PCSK5: variants seen among roughly 807,000 people sequenced by gnomAD.
The protein encoded by PCSK5 is prohormone convertase 5.
In PCSK5, 129 loss-of-function variants were observed where a neutral mutation model predicts 233.2. That is an observed-to-expected ratio of 0.55 (90% confidence interval 0.48 to 0.64). The LOEUF (loss-of-function observed/expected upper bound fraction) is 0.64. Among genes scored for constraint, PCSK5 ranks in the 30% least tolerant of loss-of-function variants. The pLI, the probability that PCSK5 is intolerant of heterozygous loss-of-function variation, is 0.00. For synonymous variants in PCSK5, 825 were observed against 879.2 expected (o/e 0.94, Z 1.09); for missense variants, 2,076 against 2,430.1 (o/e 0.85, Z 3.06).
intron 10 of PCSK5, among the ~76,000 whole-genome samples, chr9:76,145,446 G>A (rs542282099): frequency 2.0e-5 from 3 of 152,150 alleles, no homozygotes; most frequent in South Asian, 2.1e-4. Context: ...CATGATTATC[G>A]TCAACCTGTC....
intron 35 of PCSK5, among the ~76,000 whole-genome samples, chr9:76,347,841 T>C (rs1419818108): frequency 6.6e-6 from 1 of 151,784 alleles, no homozygotes; most frequent in Non-Finnish European, 1.5e-5. Context: ...TATGGACTGT[T>C]CTCCCTCTTT....
At chr9:76,210,128 T>C (rs549800170) in intron 20 of PCSK5, among the ~76,000 whole-genome samples, 1 of 152,198 alleles carries the variant, frequency 6.6e-6, no homozygotes, top group Admixed American at 6.5e-5. Flanking sequence ...TCCAAGAGTT[T>C]TTTTAGGGGA....
intron 20 of PCSK5, among the ~76,000 whole-genome samples, chr9:76,217,921 G>A (rs115628059): frequency 0.012 from 1,877 of 152,088 alleles, 48 homozygotes; most frequent in African/African-American, 0.043. Flanking sequence ...CCATACAAAC[G>A]CCGCTGCCCT....
At chr9:75,981,524 C>A (rs933550482) in intron 2 of PCSK5, among the ~76,000 whole-genome samples, 1 of 152,112 alleles carries the variant, frequency 6.6e-6, no homozygotes, top group Non-Finnish European at 1.5e-5. Flanking sequence ...TCACTAACTG[C>A]TTTTTAAAGA....
rs1354313344 is a variant in PCSK5 at position 75,891,002 on chromosome 9, C to T, written c.-180C>T. The T allele has an allele frequency of 4.1e-6, 2 of 485,200 alleles. No homozygotes were observed. The highest frequency in any genetic ancestry group is 5.3e-4 in the Middle Eastern group (1 of 1,902). 30.1% of individuals were successfully genotyped at this position (485,200 alleles called of 1,614,324 possible). A position where few individuals can be genotyped will look rare whatever the true frequency, so the allele number is the denominator to read the frequency against. On this transcript the variant is annotated 5_prime_UTR_variant, in exon 1 of 38. Coordinates refer to ENST00000674117, the MANE Select transcript of PCSK5 (RefSeq NM_001372043.1). ...GCCCCAGGGATGGTCTAGGAGCCGG[C>T]GTAAGGCTCGCTGCTCTGCTCCCTG...
At chr9:76,224,941 T>A (rs1036138506) in intron 20 of PCSK5, among the ~76,000 whole-genome samples, 1 of 152,226 alleles carries the variant, frequency 6.6e-6, no homozygotes, top group African/African-American at 2.4e-5. Flanking sequence ...CAGAACCTTC[T>A]AAGTAGCATT....
intron 10 of PCSK5, among the ~76,000 whole-genome samples, chr9:76,145,349 T>C (rs1823401909): frequency 6.6e-6 from 1 of 152,134 alleles, no homozygotes; most frequent in Admixed American, 6.6e-5. Flanking sequence ...AGAAGTTTCA[T>C]ATTTGGGGTG....
chr9:76,241,834 A>G (rs1826440274), intron 24 of PCSK5, among the ~76,000 whole-genome samples: 1 of 152,184 alleles, frequency 6.6e-6, no homozygotes, highest in Non-Finnish European at 1.5e-5. Flanking sequence ...ACTTCCATGA[A>G]GCCCTGGGAT....
chr9:75,896,009 C>A (rs1378003009), intron 1 of PCSK5, among the ~76,000 whole-genome samples: 1 of 152,048 alleles, frequency 6.6e-6, no homozygotes, highest in East Asian at 1.9e-4. Context: ...CTAATAAATT[C>A]TTAGGCATTT....
At chr9:76,353,982 C>A in intron 36 of PCSK5, 51 bp from the exon 37 acceptor site, 1 of 1,339,606 alleles carries the variant, frequency 7.5e-7, no homozygotes, top group Non-Finnish European at 1.0e-6. Context: ...AACTCCAGTG[C>A]CTTGTTAATC....
chr9:75,913,154 T>A (rs1278611918), intron 1 of PCSK5, among the ~76,000 whole-genome samples: 1 of 72,780 alleles, frequency 1.4e-5, no homozygotes, highest in Non-Finnish European at 3.0e-5. Context: ...CTGGGCACAT[T>A]CTTCCTCAGC....
At chr9:76,015,776 C>A (rs995187327) in intron 3 of PCSK5, among the ~76,000 whole-genome samples, 3 of 152,130 alleles carry the variant, frequency 2.0e-5, no homozygotes, top group South Asian at 2.1e-4. Flanking sequence ...TTTCTCCTGC[C>A]CATCTGGTTT....
chr9:76,022,610 G>A (rs937952930), intron 3 of PCSK5, among the ~76,000 whole-genome samples: 4 of 152,232 alleles, frequency 2.6e-5, no homozygotes, highest in South Asian at 2.1e-4. Context: ...TCAAAGAGTC[G>A]GACTTTAAAG....
At chr9:76,175,918 G>T (rs1823592952) in intron 14 of PCSK5, among the ~76,000 whole-genome samples, 1 of 151,738 alleles carries the variant, frequency 6.6e-6, no homozygotes, top group Non-Finnish European at 1.5e-5. Flanking sequence ...TTATCTCCTT[G>T]TGAACACTCT....
chr9:76,042,665 A>C (rs554163027), intron 5 of PCSK5, among the ~76,000 whole-genome samples: 3 of 152,326 alleles, frequency 2.0e-5, no homozygotes, highest in African/African-American at 7.2e-5. Flanking sequence ...TAAAAAACCT[A>C]AAAGTTTCAG....
chr9:76,239,503 T>C (rs1250495662), intron 23 of PCSK5, among the ~76,000 whole-genome samples: 1 of 151,836 alleles, frequency 6.6e-6, no homozygotes, highest in Non-Finnish European at 1.5e-5. Flanking sequence ...GAGACCAGCC[T>C]GGGGGAACAC....
rs574966441 is a variant in PCSK5, at chr9:75,989,031, C to T, written c.411+2786C>T. Among the ~76,000 whole-genome samples, 15 of 152,308 alleles carry T rather than the reference C, an allele frequency of 9.8e-5. No individual in the cohort carries two copies. The South Asian group carries it at 2.7e-3, about 27-fold the overall frequency. Reference sequence around the variant, plus strand: ...AAGTATCTTGAGGACAACCAAAGTACTTCACAGATTCCTGTTAAATGATTA... The same window carrying T: ...AAGTATCTTGAGGACAACCAAAGTATTTCACAGATTCCTGTTAAATGATTA... On this transcript the variant is annotated intron_variant, in intron 3 of 37. Coordinates refer to ENST00000674117, the MANE Select transcript of PCSK5 (RefSeq NM_001372043.1).
rs143255391 is a variant in PCSK5, at chr9:76,008,493, G to T, written c.412-15245G>T. Among the ~76,000 whole-genome samples the T allele has an allele frequency of 2.1e-3, 317 of 150,616 alleles. 3 individuals carry two copies. Among genetic ancestry groups the T allele is most frequent in the African/African-American group, 7.2e-3 (293 of 40,920 alleles). On this transcript the variant is annotated intron_variant, in intron 3 of 37. Transcript: ENST00000674117. ...CTTTTTTTTTTTGAGATGGAGTCTC[G>T]CTCTGTCACCCAGGCTGGAGTGCAG...
At chr9:76,054,863 G>T (rs935670369) in intron 5 of PCSK5, among the ~76,000 whole-genome samples, 11 of 152,072 alleles carry the variant, frequency 7.2e-5, no homozygotes, top group Non-Finnish European at 1.3e-4. Context: ...GTGTGTGTCA[G>T]ACAATACTTT....
Sources: gnomAD v4.1 joint callset for allele counts (sites outside exome capture counted in the v4.1 genomes callset) on GRCh38, gnomAD v4.1.1 for gene constraint, MANE v1.5 for transcripts, NCBI Gene and HGNC (gene_info 2026-07-23, HGNC 2026-07-21) for gene names.